Variants in LUC7L2 observed in about 807,000 individuals in gnomAD.
The protein encoded by LUC7L2 is putative RNA-binding protein Luc7-like 2.
In LUC7L2, 25 loss-of-function variants were observed where a neutral mutation model predicts 52.8. The ratio of observed to expected loss-of-function variants is 0.47; its 90% confidence interval spans 0.34 to 0.66. The LOEUF (loss-of-function observed/expected upper bound fraction) is 0.66, where lower values mean the gene tolerates loss of function less well. Ranked by LOEUF, LUC7L2 falls within the 30% of genes least tolerant of loss-of-function variation. LUC7L2 has a pLI of 0.01. For synonymous variants in LUC7L2, 144 were observed against 160.9 expected (o/e 0.89, Z 0.80); for missense variants, 328 against 497.8 (o/e 0.66, Z 3.25).
At chr7:139,398,730 T>A in intron 3 of LUC7L2, 33 bp downstream of exon 3, 1 of 1,588,938 alleles carries the variant, frequency 6.3e-7, no homozygotes. Context: ...TTTGTTGTTA[T>A]CTTTTGCTGT....
rs568331540 is a variant in LUC7L2, at chr7:139,409,803, A to G, written c.779+149A>G. 8.9e-6 allele frequency: 11 copies of G among 1,230,910 alleles called. No individual in the cohort carries two copies. In the East Asian group the frequency reaches 2.7e-4, roughly 31 times the overall value. 76.2% of individuals were successfully genotyped at this position (1,230,910 alleles called of 1,614,324 possible). A position where few individuals can be genotyped will look rare whatever the true frequency, so the allele number is the denominator to read the frequency against. On this transcript the variant is annotated intron_variant, in intron 7 of 9. Transcript: ENST00000354926. ...TAAAAAATATTACTGTGCGAATTATATAAATGTTTAATTATACAAGTATCG... is the reference window on the plus strand; with the variant it reads ...TAAAAAATATTACTGTGCGAATTATGTAAATGTTTAATTATACAAGTATCG...
intron 1 of LUC7L2, chr7:139,371,405 A>G: frequency 8.3e-7 from 1 of 1,207,268 alleles, no homozygotes; most frequent in Non-Finnish European, 1.2e-6. Context: ...GTTGTTGATC[A>G]CATAGCATGG....
chr7:139,387,256 C>G (rs1356415901), intron 2 of LUC7L2, among the ~76,000 whole-genome samples: 1 of 152,012 alleles, frequency 6.6e-6, no homozygotes, highest in Non-Finnish European at 1.5e-5. Context: ...TGCAGTGGCG[C>G]GATCTCGGCT....
intron 2 of LUC7L2, among the ~76,000 whole-genome samples, chr7:139,381,646 G>A (rs977204485): frequency 4.0e-5 from 6 of 151,336 alleles, no homozygotes; most frequent in Non-Finnish European, 8.8e-5. Context: ...GTTTGATCTC[G>A]GCTCACTGCA....
chr7:139,355,043 T>C (rs2131163356), upstream of LUC7L2, among the ~76,000 whole-genome samples: 1 of 152,196 alleles, frequency 6.6e-6, no homozygotes, highest in East Asian at 1.9e-4. Flanking sequence ...GTACTTTTTG[T>C]AGAGACAGGG....
chr7:139,412,467 GA>G, intron 7 of LUC7L2, 83 bp from the exon 8 acceptor site: 2 of 1,479,274 alleles, frequency 1.4e-6, no homozygotes, highest in Middle Eastern at 1.9e-4. Context: ...GTAAACATTA[GA>G]AATCAGGAAG....
intron 3 of LUC7L2, among the ~76,000 whole-genome samples, chr7:139,399,216 A>T (rs1270243984): frequency 1.3e-5 from 2 of 152,002 alleles, no homozygotes; most frequent in Non-Finnish European, 2.9e-5. Context: ...TGTTCTTGTT[A>T]TTATTCCCCA....
chr7:139,360,110 G>A lies in LUC7L2; in HGVS notation c.-152G>A, dbSNP rs1257462758. On this transcript the variant is annotated 5_prime_UTR_variant, in exon 1 of 10. Transcript: ENST00000354926. ...GAGGAGCGCAGTCCGGACTCTTCCC[G>A]CAACCCCTCCGGCTCCCTTTCCGCA... is the stretch of plus-strand genomic sequence containing the variant. The A allele has an allele frequency of 3.4e-6, 2 of 586,792 alleles. No individual in the cohort carries two copies. Among genetic ancestry groups the A allele is most frequent in the South Asian group, 2.0e-5 (1 of 49,994 alleles). 36.3% of individuals were successfully genotyped at this position (586,792 alleles called of 1,614,324 possible). A position where few individuals can be genotyped will look rare whatever the true frequency, so the allele number is the denominator to read the frequency against.
chr7:139,399,867 C>G (rs1284145236), intron 3 of LUC7L2, among the ~76,000 whole-genome samples: 2 of 151,802 alleles, frequency 1.3e-5, no homozygotes, highest in African/African-American at 4.9e-5. Context: ...CTTTATATTG[C>G]TGTTTTTATA....
intron 9 of LUC7L2, among the ~76,000 whole-genome samples, chr7:139,418,649 G>C (rs1795737699): frequency 6.6e-6 from 1 of 151,914 alleles, no homozygotes; most frequent in South Asian, 2.1e-4. Context: ...TCACTCACAA[G>C]CTGAGTTTGT....
chr7:139,360,347 G>C, intron 1 of LUC7L2, 25 bp downstream of exon 1: 2 of 1,549,204 alleles, frequency 1.3e-6, no homozygotes, highest in Non-Finnish European at 1.7e-6. Context: ...GGGCCCTGGG[G>C]GTGGGGGAGG....
At position 139,407,000 on chromosome 7, in the gene LUC7L2, G is replaced by GTTTTTTTTTTTT. The variant is rs779013466; in HGVS notation, c.511-174_511-173insTTTTTTTTTTTT. ...CATAACAAAATAGCCATGCTTTTGTGGTTTTTTTTTTTTTTTTTTTTTGAG... is the reference window on the plus strand; with the variant it reads ...CATAACAAAATAGCCATGCTTTTGTGTTTTTTTTTTTTGTTTTTTTTTTTTTTTTTTTTTGAG... On this transcript the variant is annotated intron_variant, in intron 5 of 9. Coordinates refer to ENST00000354926, the MANE Select transcript of LUC7L2 (RefSeq NM_016019.5). Among the ~76,000 whole-genome samples the GTTTTTTTTTTTT allele has an allele frequency of 7.9e-4, 88 of 111,598 alleles. 7 individuals carry two copies. The highest frequency in any genetic ancestry group is 2.5e-3 in the African/African-American group (67 of 26,604). The allele number at this position is 111,598 out of a possible 152,430, so 73.2% of individuals were successfully genotyped here.
At chr7:139,414,653 C>T (rs1795508006) in intron 8 of LUC7L2, among the ~76,000 whole-genome samples, 1 of 152,202 alleles carries the variant, frequency 6.6e-6, no homozygotes, top group South Asian at 2.1e-4. Flanking sequence ...TCCTTTTGCT[C>T]ACTTCATTCC....
chr7:139,357,735 G>C (rs1799649241), upstream of LUC7L2, among the ~76,000 whole-genome samples: 1 of 149,048 alleles, frequency 6.7e-6, no homozygotes, highest in Non-Finnish European at 1.5e-5. Context: ...ACACTCACCA[G>C]GGCTGGAGTG....
At chr7:139,357,364 T>G (rs747721332), upstream of LUC7L2, among the ~76,000 whole-genome samples, 2 of 152,162 alleles carry the variant, frequency 1.3e-5, no homozygotes, top group African/African-American at 4.8e-5. Flanking sequence ...CTCCTCAATT[T>G]TGATCATTAT....
At chr7:139,405,827 G>A (rs1285907909) in intron 5 of LUC7L2, 40 bp downstream of exon 5, 1 of 1,548,320 alleles carries the variant, frequency 6.5e-7, no homozygotes, top group Non-Finnish European at 8.7e-7. Context: ...TGCTTAATTT[G>A]GTAAGACTAC....
chr7:139,362,107 A>AT (rs962312372), intron 1 of LUC7L2, among the ~76,000 whole-genome samples: 14 of 147,324 alleles, frequency 9.5e-5, no homozygotes, highest in East Asian at 4.0e-4. Context: ...CTGTTACTGG[A>AT]TTTTTTTTTT....
intron 2 of LUC7L2, among the ~76,000 whole-genome samples, chr7:139,393,038 G>C (rs894447870): frequency 1.3e-5 from 2 of 151,820 alleles, no homozygotes; most frequent in South Asian, 4.2e-4. Flanking sequence ...AGGCCGAGGC[G>C]GTTGAATTAC....
intron 1 of LUC7L2, among the ~76,000 whole-genome samples, chr7:139,342,307 A>G (rs1799022474): frequency 6.6e-6 from 1 of 152,148 alleles, no homozygotes; most frequent in South Asian, 2.1e-4. Context: ...TAGTTAGGGA[A>G]GGTTTTCCGG....
Sources: allele counts gnomAD v4.1 joint callset (sites outside exome capture counted in the v4.1 genomes callset), GRCh38; gene constraint gnomAD v4.1.1; transcripts MANE v1.5; gene names NCBI Gene and HGNC (gene_info 2026-07-23, HGNC 2026-07-21).